MPRIP: variants seen among roughly 807,000 people sequenced by gnomAD.
The protein encoded by MPRIP is myosin phosphatase Rho-interacting protein.
In MPRIP, 59 loss-of-function variants were observed where a neutral mutation model predicts 234.9. The observed-to-expected ratio is 0.25, with a 90% confidence interval of 0.20 to 0.31. The LOEUF is 0.31. Ranked by LOEUF, MPRIP falls within the 10% of genes least tolerant of loss-of-function variation. The pLI, the probability that MPRIP is intolerant of heterozygous loss-of-function variation, is 1.00. For missense variants in MPRIP, 2,436 were observed against 3,071.0 expected, an observed-to-expected ratio of 0.79 and a Z score of 4.89; for synonymous variants, 1,144 against 1,263.9, an observed-to-expected ratio of 0.91 and a Z score of 2.01.
In MPRIP at chr17:17,182,053, C is replaced by G. The variant is rs149240005; in HGVS notation, c.7206+1965C>G. The G allele has an allele frequency of 5.3e-5, 8 of 152,334 alleles. No individual in the cohort carries two copies. The East Asian group carries it at 9.6e-4, about 18-fold the overall frequency. 9.4% of individuals were successfully genotyped at this position (152,334 alleles called of 1,614,324 possible). On this transcript the variant is annotated intron_variant, in intron 23 of 23. Coordinates refer to ENST00000651222, the MANE Select transcript of MPRIP (RefSeq NM_001364716.4). ...GGCCCCAGCAGAAAGTCGAGGACTT[C>G]CTAGATGTCTGTGGTGCAACAGGGC...
At chr17:17,146,156 T>C in intron 10 of MPRIP, 64 bp downstream of exon 10, 1 of 1,469,770 alleles carries the variant, frequency 6.8e-7, no homozygotes, top group Non-Finnish European at 9.5e-7. Flanking sequence ...TGAGCTGTCC[T>C]TGTCCCCAGC....
chr17:17,042,969 C>G lies in MPRIP; in HGVS notation c.121C>G (p.Gln41Glu), dbSNP rs758059313. The change falls in exon 1 of 24, where the codon CAG (glutamine) becomes GAG (glutamate). Residue 41 changes from glutamine to glutamate, a missense_variant and splice_region_variant. Physicochemically the swap from Gln to Glu is conservative, Grantham distance 29. Transcript: ENST00000651222. ...SHLLNDEDLT[Q>E]AKPIYGGWLL... The stretch of plus-strand genomic sequence containing the variant: ...TCTGCTCAACGACGAGGACCTGACG[C>G]AGGTGAGCGACTGGGGCCGGCCCGG... The G allele has an allele frequency of 3.7e-6, 6 of 1,610,004 alleles. No individual in the cohort carries two copies. In the East Asian group the frequency reaches 1.3e-4, roughly 36 times the overall value.
At chr17:17,136,702 C>G (rs2090708412) in intron 6 of MPRIP, among the ~76,000 whole-genome samples, 1 of 152,200 alleles carries the variant, frequency 6.6e-6, no homozygotes, top group African/African-American at 2.4e-5. Context: ...TTCTGTCAGC[C>G]CCAGTTGCTT....
chr17:17,126,641 T>C, intron 3 of MPRIP, 61 bp from the exon 4 acceptor site: 1 of 1,549,262 alleles, frequency 6.5e-7, no homozygotes, highest in East Asian at 2.3e-5. Context: ...GGCCTGGGGC[T>C]GTACGACATC....
chr17:17,077,756 A>T, intron 2 of MPRIP: 3 of 250,110 alleles, frequency 1.2e-5, no homozygotes, highest in East Asian at 1.5e-4. Flanking sequence ...AAGTGTTAAA[A>T]AAAAAAAAAA....
At chr17:17,153,519 T>C (rs2045654558) in intron 12 of MPRIP, among the ~76,000 whole-genome samples, 1 of 151,688 alleles carries the variant, frequency 6.6e-6, no homozygotes, top group Admixed American at 6.6e-5. Context: ...CCATGTGCTC[T>C]TTGCTGCTTT....
rs528620415 is a variant in MPRIP at position 17,102,233 on chromosome 17, T to C, written c.267+24157T>C. ...CCACTCCTGTCTGCGTTACCCATAG[T>C]CAAGGCCAGGCCTTGGGCCAGGAAG... On this transcript the variant is annotated intron_variant, in intron 3 of 23. Transcript: ENST00000651222. 2.6e-5 allele frequency among the ~76,000 whole-genome samples: 4 copies of C among 152,220 alleles called. No individual in the cohort carries two copies. The East Asian group carries it at 7.8e-4, about 29-fold the overall frequency.
Position 17,143,605 on chromosome 17 carries a change from C to T in MPRIP, c.1439C>T (p.Ser480Phe). 4 of 1,604,482 alleles carry T rather than the reference C, an allele frequency of 2.5e-6. No individual in the cohort carries two copies. Among genetic ancestry groups the T allele is most frequent in the South Asian group, 1.1e-5 (1 of 88,880 alleles). The change falls in exon 9 of 24, where the codon TCC becomes TTC. Residue 480 changes from serine (S) to phenylalanine (F), a missense_variant. Ser to Phe is a radical substitution (Grantham distance 155, BLOSUM62 -2). This residue lies in a region of MPRIP where 267 missense variants were observed against 252.7 expected (regional missense o/e 1.06). Transcript: ENST00000651222. ...PPAPLPDASA[S>F]PLSPHRRAKS... The stretch of plus-strand genomic sequence containing the variant: ...GCTCCTCTCCCAGACGCCTCGGCTT[C>T]CCCCCTGTCTCCACACCGAAGAGCC...
At position 17,185,688 on chromosome 17, in the gene MPRIP, T is replaced by G; in HGVS notation, c.*794T>G. ...TGCAGCCCAGGTTTCAGACTCTGATTGCAAAAAACAAATGAATTCCCCCCA... is the reference window on the plus strand; with the variant it reads ...TGCAGCCCAGGTTTCAGACTCTGATGGCAAAAAACAAATGAATTCCCCCCA... On this transcript the variant is annotated 3_prime_UTR_variant, in exon 24 of 24. Transcript: ENST00000651222. 1 of 368,410 alleles carries G rather than the reference T, an allele frequency of 2.7e-6. No homozygotes were observed. Among genetic ancestry groups the G allele is most frequent in the Non-Finnish European group, 5.4e-6 (1 of 185,072 alleles). The allele number at this position is 368,410 out of a possible 1,614,324, so 22.8% of individuals were successfully genotyped here.
At chr17:17,102,957 T>A (rs929683524) in intron 3 of MPRIP, among the ~76,000 whole-genome samples, 1 of 152,242 alleles carries the variant, frequency 6.6e-6, no homozygotes, top group African/African-American at 2.4e-5. Flanking sequence ...CTGTCTGGCA[T>A]GGGCTCCAAG....
intron 3 of MPRIP, among the ~76,000 whole-genome samples, chr17:17,123,217 G>A (rs933733733): frequency 2.6e-5 from 4 of 152,230 alleles, no homozygotes; most frequent in Non-Finnish European, 4.4e-5. Context: ...AGGTGTCAAA[G>A]GGAAGTGACT....
At chr17:17,137,633 A>G (rs2090729261) in intron 6 of MPRIP, among the ~76,000 whole-genome samples, 1 of 150,522 alleles carries the variant, frequency 6.6e-6, no homozygotes, top group Non-Finnish European at 1.5e-5. Flanking sequence ...CTTCCAGCCA[A>G]GCCCCCAGAC....
chr17:17,162,731 G>A (rs139721500), intron 15 of MPRIP, among the ~76,000 whole-genome samples: 179 of 152,260 alleles, frequency 1.2e-3, no homozygotes, highest in African/African-American at 4.0e-3. Context: ...AATCTGAAAT[G>A]CTCCAAAATC....
chr17:17,088,540 A>G (rs952613314), intron 3 of MPRIP, among the ~76,000 whole-genome samples: 27 of 152,238 alleles, frequency 1.8e-4, no homozygotes, highest in African/African-American at 6.3e-4. Context: ...GGCTGGTGCT[A>G]GTGTCTTCAC....
chr17:17,105,765 C>T (rs547187925), intron 3 of MPRIP, among the ~76,000 whole-genome samples: 1 of 152,344 alleles, frequency 6.6e-6, no homozygotes, highest in Non-Finnish European at 1.5e-5. Context: ...AATTCCAGCT[C>T]AGCCATTACC....
chr17:17,087,749 A>G (rs1422678175), intron 3 of MPRIP, among the ~76,000 whole-genome samples: 1 of 152,220 alleles, frequency 6.6e-6, no homozygotes, highest in Non-Finnish European at 1.5e-5. Context: ...TGGCTGGCGA[A>G]TCAGGCAGCT....
chr17:17,114,269 TG>T (rs2090236040), intron 3 of MPRIP, among the ~76,000 whole-genome samples: 1 of 152,210 alleles, frequency 6.6e-6, no homozygotes, highest in South Asian at 2.1e-4. Flanking sequence ...TATTTTTAAT[TG>T]TTTTTTGTTG....
intron 1 of MPRIP, among the ~76,000 whole-genome samples, chr17:17,066,903 C>T (rs111249797): frequency 4.0e-5 from 6 of 151,744 alleles, no homozygotes; most frequent in African/African-American, 1.2e-4. Context: ...CCTCTGCCAG[C>T]ACTTGCCACC....
At chr17:17,126,601 G>A (rs571824268) in intron 3 of MPRIP, 101 bp from the exon 4 acceptor site, 1 of 1,349,652 alleles carries the variant, frequency 7.4e-7, no homozygotes, top group South Asian at 1.4e-5. Context: ...AGCACTCCTA[G>A]AGGCCCCACA....
Sources: allele counts gnomAD v4.1 joint callset (sites outside exome capture counted in the v4.1 genomes callset), GRCh38; gene constraint gnomAD v4.1.1; regional missense constraint gnomAD v4.1.1; transcripts MANE v1.5; gene names NCBI Gene and HGNC (gene_info 2026-07-23, HGNC 2026-07-21).